DHX32: variants seen among roughly 807,000 people sequenced by gnomAD.
DHX32 encodes DEAH-box helicase 32 (putative), also known as putative pre-mRNA-splicing factor ATP-dependent RNA helicase DHX32.
In DHX32, 51 loss-of-function variants were observed where a neutral mutation model predicts 70.0. The observed-to-expected ratio is 0.73, with a 90% confidence interval of 0.58 to 0.92. DHX32 has a LOEUF of 0.92. Among genes scored for constraint, DHX32 ranks in the 40% least tolerant of loss-of-function variants. The pLI, the probability that DHX32 is intolerant of heterozygous loss-of-function variation, is 0.00. For synonymous variants in DHX32, 310 were observed against 315.3 expected (o/e 0.98, Z 0.18); for missense variants, 762 against 891.8 (o/e 0.85, Z 1.85).
rs994313484 is a variant in DHX32, at chr10:125,866,398, T to C, written c.476+592A>G. On this transcript the variant is annotated intron_variant, in intron 2 of 10. Transcript: ENST00000284690. The surrounding 1 kb of genome is among the most constrained non-coding windows in gnomAD (Gnocchi z 4.8). ...GCCACAGAGAAGTCTCCTTGGAACA[T>C]AGAAGACTCTGCAAAGCACAGTTTG... 8.5e-5 allele frequency among the ~76,000 whole-genome samples: 13 copies of C among 152,308 alleles called. No homozygotes were observed. Among genetic ancestry groups the C allele is most frequent in the South Asian group, 6.2e-4 (3 of 4,826 alleles).
intron 6 of DHX32, 32 bp from the exon 7 acceptor site, chr10:125,841,966 T>C: frequency 6.5e-7 from 1 of 1,545,512 alleles, no homozygotes; most frequent in Non-Finnish European, 8.6e-7. Context: ...AATTTAAGAG[T>C]CTCATATGGC....
rs74580792 is a variant in DHX32 at position 125,872,355 on chromosome 10, A to C, written c.283-5172T>G. On this transcript the variant is annotated intron_variant, in intron 1 of 10. Transcript: ENST00000284690. The stretch of plus-strand genomic sequence containing the variant: ...CCAAGTTGGCACTATGGGAATTAGA[A>C]AAGCTTAAATAGTTGTACCTTTCTA... 7.7e-4 allele frequency among the ~76,000 whole-genome samples: 118 copies of C among 152,316 alleles called. No individual in the cohort carries two copies. The East Asian group carries it at 0.021, about 27-fold the overall frequency.
In DHX32 at chr10:125,841,697, T is replaced by C. The variant is rs370172603; in HGVS notation, c.1543+46A>G. On this transcript the variant is annotated intron_variant, in intron 7 of 10. Transcript: ENST00000284690. ...AATGGATCCGATCTAAATCTATACC[T>C]AGTGCAGATTTGCAAAAAAAGAAAA... 38 of 1,589,078 alleles carry C rather than the reference T, an allele frequency of 2.4e-5. No homozygotes were observed. The African/African-American group carries it at 4.8e-4, about 20-fold the overall frequency.
intron 7 of DHX32, 120 bp downstream of exon 7, chr10:125,841,623 A>G (rs2134027425): frequency 6.8e-7 from 1 of 1,475,112 alleles, no homozygotes; most frequent in Non-Finnish European, 8.9e-7. Context: ...CAAAAGGTTA[A>G]ATGAGTTGAT....
At chr10:125,858,656 G>A (rs568972360) in intron 3 of DHX32, among the ~76,000 whole-genome samples, 5 of 152,308 alleles carry the variant, frequency 3.3e-5, no homozygotes, top group African/African-American at 1.2e-4. Flanking sequence ...CTGTTCAGCT[G>A]TGGCTCAGCC....
At chr10:125,880,226 T>G (rs749572227) in intron 1 of DHX32, among the ~76,000 whole-genome samples, 2 of 152,226 alleles carry the variant, frequency 1.3e-5, no homozygotes, top group Non-Finnish European at 2.9e-5. Context: ...ACGCATCACA[T>G]CTTTTAAAAT....
chr10:125,863,351 T>C (rs1000990093), intron 2 of DHX32, among the ~76,000 whole-genome samples: 1 of 152,172 alleles, frequency 6.6e-6, no homozygotes, highest in Non-Finnish European at 1.5e-5. Flanking sequence ...GACAGTTTAC[T>C]AATTGCCTAT....
chr10:125,853,791 G>T (rs1944121688), intron 4 of DHX32, 170 bp downstream of exon 4: 1 of 709,442 alleles, frequency 1.4e-6, no homozygotes, highest in African/African-American at 1.8e-5. Flanking sequence ...ATGGAATCAA[G>T]ACTTTTGTTA....
chr10:125,868,223 C>G (rs1435426550), intron 1 of DHX32, among the ~76,000 whole-genome samples: 2 of 152,040 alleles, frequency 1.3e-5, no homozygotes, highest in Non-Finnish European at 2.9e-5. Flanking sequence ...TTCATTTGTA[C>G]AAGAATTATT....
chr10:125,879,875 C>G (rs1347322688), intron 1 of DHX32, among the ~76,000 whole-genome samples: 1 of 152,176 alleles, frequency 6.6e-6, no homozygotes, highest in Non-Finnish European at 1.5e-5. Context: ...AACTCCTGGG[C>G]TCAAATGATC....
chr10:125,838,868 A>G, intron 9 of DHX32, 133 bp downstream of exon 9: 3 of 1,098,144 alleles, frequency 2.7e-6, no homozygotes, highest in Non-Finnish European at 3.9e-6. Flanking sequence ...TTAAGTACCA[A>G]ATCTTTAATA....
Position 125,880,557 on chromosome 10 carries a change from C to T in DHX32, c.268G>A (p.Gly90Ser). The change falls in exon 1 of 11, where the codon GGT (glycine) becomes AGT (serine). Residue 90 changes from glycine (G) to serine (S), a missense_variant. By Grantham distance (56) the Gly-to-Ser change is moderately conservative (BLOSUM62 0). Coordinates refer to ENST00000284690, the MANE Select transcript of DHX32 (RefSeq NM_018180.3). ...IVIVSGDAKC[G>S]KSAQVPQWCA... ...TGGTTACTCACCTGAGCGCTCTTACCACATTTAGCATCTCCTGAAACAATC... is the reference window on the plus strand; with the variant it reads ...TGGTTACTCACCTGAGCGCTCTTACTACATTTAGCATCTCCTGAAACAATC... 3 of 1,605,150 alleles carry T rather than the reference C, an allele frequency of 1.9e-6. No individual in the cohort carries two copies. The highest frequency in any genetic ancestry group is 1.7e-5 in the Admixed American group (1 of 59,212).
At chr10:125,891,926 G>A (rs1248491057) in intron 1 of DHX32, among the ~76,000 whole-genome samples, 1 of 152,066 alleles carries the variant, frequency 6.6e-6, no homozygotes, top group Non-Finnish European at 1.5e-5. Flanking sequence ...AATATCCCTG[G>A]AGAAAATCAT....
rs539885229 is a variant in DHX32, at chr10:125,859,780, T to C, written c.672A>G (p.Lys224=). ...IINSSPHLIS[K]LNSYYGNVPV... is the part of the protein sequence containing the mutation. Reference sequence around the variant, plus strand: ...GCACGTTTCCATAATAAGAATTGAGTTTGCTGATCAGGTGAGGTGAGGAGT... The same window carrying C: ...GCACGTTTCCATAATAAGAATTGAGCTTGCTGATCAGGTGAGGTGAGGAGT... Residue 224 remains lysine (K), a synonymous_variant, in exon 3 of 11, where the codon AAA becomes AAG. Transcript: ENST00000284690. 15 of 1,613,996 alleles carry C rather than the reference T, an allele frequency of 9.3e-6. No homozygotes were observed. The South Asian group carries it at 1.6e-4, about 18-fold the overall frequency.
At chr10:125,865,898 C>T (rs1198162225) in intron 2 of DHX32, among the ~76,000 whole-genome samples, 3 of 152,210 alleles carry the variant, frequency 2.0e-5, no homozygotes, top group African/African-American at 2.4e-5. Flanking sequence ...GGCAAAATCC[C>T]TTCCACTATC....
chr10:125,839,138 T>G lies in DHX32; in HGVS notation c.1744A>C (p.Arg582=). 1 of 1,614,276 alleles carries G rather than the reference T, an allele frequency of 6.2e-7. No individual in the cohort carries two copies. Among genetic ancestry groups the G allele is most frequent in the South Asian group, 1.1e-5 (1 of 91,092 alleles). ...TCAGCTCGAATAACATCTGCCATTC[T>G]GAGTGCTGAACAGTTGAGGAAGTAA... ...RDYFLNCSAL[R]MADVIRAELL... is the part of the protein sequence containing the mutation. The change falls in exon 9 of 11, where the codon AGA becomes CGA. Residue 582 remains arginine, a synonymous_variant. Transcript: ENST00000284690.
At chr10:125,880,403 T>C (rs1321776725) in intron 1 of DHX32, 140 bp downstream of exon 1, 9 of 863,056 alleles carry the variant, frequency 1.0e-5, no homozygotes, top group African/African-American at 1.7e-5. Flanking sequence ...ATTAGGTACG[T>C]GATTTAATTA....
chr10:125,851,920 C>CAAAAAAAAAAAAAA (rs56380138), intron 6 of DHX32, among the ~76,000 whole-genome samples: 3 of 86,776 alleles, frequency 3.5e-5, no homozygotes, highest in African/African-American at 9.0e-5. Context: ...GACCCTGTCT[C>CAAAAAAAAAAAAAA]AAAAAAAAAA....
chr10:125,862,958 T>C (rs956941359), intron 2 of DHX32, among the ~76,000 whole-genome samples: 1 of 152,102 alleles, frequency 6.6e-6, no homozygotes, highest in African/African-American at 2.4e-5. Context: ...CTTTAAAAAG[T>C]GCTGTTAACT....
Sources: gnomAD v4.1 joint callset for allele counts (sites outside exome capture counted in the v4.1 genomes callset) on GRCh38, gnomAD v4.1.1 for gene constraint, Gnocchi (gnomAD v3.1) non-coding constraint, MANE v1.5 for transcripts, NCBI Gene and HGNC (gene_info 2026-07-23, HGNC 2026-07-21) for gene names.